Variants in RORA observed in about 807,000 individuals in gnomAD.
RORA encodes nuclear receptor ROR-alpha.
A neutral mutation model predicts 69.5 loss-of-function variants in RORA; 7 were observed. The observed-to-expected ratio is 0.10, with a 90% CI of 0.06 to 0.19. RORA has a LOEUF of 0.19. RORA is among the 10% of genes least tolerant of loss of function. The pLI is 1.00. For missense variants in RORA, 457 were observed against 663.0 expected (o/e 0.69, Z 3.41); for synonymous variants, 261 against 240.8 (o/e 1.08, Z -0.78).
At chr15:60,671,615 CT>C (rs550729879) in intron 2 of RORA, among the ~76,000 whole-genome samples, 4 of 151,362 alleles carry the variant, frequency 2.6e-5, no homozygotes, top group Non-Finnish European at 5.9e-5. Context: ...CTGTCTCTCT[CT>C]TTTTTTTCTT....
intron 2 of RORA, among the ~76,000 whole-genome samples, chr15:60,569,631 A>G (rs2067820936): frequency 6.6e-6 from 1 of 152,222 alleles, no homozygotes; most frequent in Non-Finnish European, 1.5e-5. Flanking sequence ...TAGTCTCCTC[A>G]TTCAGTAAAT....
At chr15:60,958,982 A>T (rs1893344647) in intron 1 of RORA, among the ~76,000 whole-genome samples, 1 of 152,186 alleles carries the variant, frequency 6.6e-6, no homozygotes, top group Non-Finnish European at 1.5e-5. Context: ...CTCTGCCAAC[A>T]AGCCAGACAT....
At chr15:61,033,684 T>C (rs1466363257) in intron 1 of RORA, among the ~76,000 whole-genome samples, 3 of 146,794 alleles carry the variant, frequency 2.0e-5, no homozygotes, top group Non-Finnish European at 4.5e-5. Context: ...TTTGCACATA[T>C]GAAATGTGGC....
At chr15:60,911,490 C>T (rs1891715738) in intron 1 of RORA, among the ~76,000 whole-genome samples, 2 of 152,064 alleles carry the variant, frequency 1.3e-5, no homozygotes, top group Admixed American at 1.3e-4. Context: ...AGGGGAAAGC[C>T]CTTCTTCTTC....
chr15:60,969,349 T>C (rs1893643781), intron 1 of RORA, among the ~76,000 whole-genome samples: 1 of 152,246 alleles, frequency 6.6e-6, no homozygotes, highest in Non-Finnish European at 1.5e-5. Context: ...TAGGTTATAA[T>C]CTGTTACTAT....
At chr15:60,712,960 A>G (rs1190668164) in intron 1 of RORA, among the ~76,000 whole-genome samples, 1 of 152,110 alleles carries the variant, frequency 6.6e-6, no homozygotes, top group Admixed American at 6.6e-5. Context: ...TATTCAACAG[A>G]GCGAATACTT....
At chr15:60,861,423 C>T (rs1385227393) in intron 1 of RORA, among the ~76,000 whole-genome samples, 1 of 152,174 alleles carries the variant, frequency 6.6e-6, no homozygotes, top group African/African-American at 2.4e-5. Flanking sequence ...CTGGAGGTAG[C>T]TGGTGGCTCA....
intron 1 of RORA, among the ~76,000 whole-genome samples, chr15:60,958,561 AT>A (rs968581088): frequency 1.3e-5 from 2 of 152,170 alleles, no homozygotes; most frequent in African/African-American, 4.8e-5. Context: ...GGAGGCTGGA[AT>A]TTTATCCCTG....
chr15:60,984,368 G>T (rs1191192473), intron 1 of RORA, among the ~76,000 whole-genome samples: 2 of 151,640 alleles, frequency 1.3e-5, no homozygotes, highest in African/African-American at 4.8e-5. Flanking sequence ...CGTGACAATA[G>T]TAATAGCAAT....
At chr15:60,940,508 C>T (rs535138576) in intron 1 of RORA, among the ~76,000 whole-genome samples, 30 of 152,132 alleles carry the variant, frequency 2.0e-4, no homozygotes, top group Admixed American at 1.4e-3. Context: ...TGCAGGGGGA[C>T]GGGATTGAGA....
At chr15:60,770,754 C>T (rs533965691) in intron 1 of RORA, among the ~76,000 whole-genome samples, 75 of 152,286 alleles carry the variant, frequency 4.9e-4, no homozygotes, top group African/African-American at 1.7e-3. Context: ...TCCTGAGTAG[C>T]TGAGACTACG....
At position 60,624,471 on chromosome 15, in the gene RORA, CATATATATATAT is replaced by C. The variant is rs3053858; in HGVS notation, c.196+54174_196+54185del. Among the ~76,000 whole-genome samples, 10 of 73,580 alleles carry C rather than the reference CATATATATATAT, an allele frequency of 1.4e-4. 1 individual carries two copies. The highest frequency in any genetic ancestry group is 5.3e-4 in the African/African-American group (8 of 15,204). The allele number at this position is 73,580 out of a possible 152,430, so 48.3% of individuals were successfully genotyped here. A position where few individuals can be genotyped will look rare whatever the true frequency, so the allele number is the denominator to read the frequency against. ...GGAAGAGGTCCTCTTCCATTTGCTGCATATATATATATATATATATATATATTTGCTGTATGT... is the reference window on the plus strand; with the variant it reads ...GGAAGAGGTCCTCTTCCATTTGCTGCATATATATATATATTTGCTGTATGT... On this transcript the variant is annotated intron_variant, in intron 2 of 10. Coordinates refer to ENST00000335670, the MANE Select transcript of RORA (RefSeq NM_134261.3).
intron 1 of RORA, among the ~76,000 whole-genome samples, chr15:61,002,918 T>C (rs1595871633): frequency 6.8e-6 from 1 of 147,640 alleles, no homozygotes; most frequent in African/African-American, 2.5e-5. Context: ...GATTACGAGG[T>C]CAGGAGTTCG....
chr15:61,066,418 CTTTTT>C (rs1168663714), intron 1 of RORA, among the ~76,000 whole-genome samples: 4 of 80,916 alleles, frequency 4.9e-5, no homozygotes, highest in Non-Finnish European at 6.9e-5. Flanking sequence ...GGGCATATTC[CTTTTT>C]TTTTTTTTTT....
chr15:61,221,057 T>C (rs2080091002), intron 1 of RORA, among the ~76,000 whole-genome samples: 1 of 152,174 alleles, frequency 6.6e-6, no homozygotes, highest in African/African-American at 2.4e-5. Context: ...CTGGTTCTCC[T>C]TCCTTCACTC....
intron 3 of RORA, among the ~76,000 whole-genome samples, chr15:60,523,852 T>G (rs187696188): frequency 6.6e-6 from 1 of 152,316 alleles, no homozygotes; most frequent in East Asian, 1.9e-4. Flanking sequence ...TTAAATTTTT[T>G]GTAGAGGAGA....
At chr15:60,947,942 G>C (rs1444231647) in intron 1 of RORA, among the ~76,000 whole-genome samples, 1 of 152,172 alleles carries the variant, frequency 6.6e-6, no homozygotes. Context: ...GCTATCCACA[G>C]ACAACAACAC....
At chr15:61,179,387 C>T (rs985367091) in intron 1 of RORA, among the ~76,000 whole-genome samples, 6 of 152,078 alleles carry the variant, frequency 3.9e-5, no homozygotes, top group Non-Finnish European at 7.4e-5. Context: ...AAAAGAGATA[C>T]GCAAAAATAA....
rs201205626 is a variant in RORA at position 60,696,017 on chromosome 15, G to A, written c.167-17331C>T. 1.4e-4 allele frequency among the ~76,000 whole-genome samples: 21 copies of A among 152,156 alleles called. No homozygotes were observed. In the East Asian group the frequency reaches 3.9e-3, roughly 28 times the overall value. Reference sequence around the variant, plus strand: ...CTCCTACATCACTTATAAGCTGACAGAAGTCTTATTATTATTATATATTAT... The same window carrying A: ...CTCCTACATCACTTATAAGCTGACAAAAGTCTTATTATTATTATATATTAT... On this transcript the variant is annotated intron_variant, in intron 1 of 10. Transcript: ENST00000335670.
Sources: allele counts gnomAD v4.1 joint callset (sites outside exome capture counted in the v4.1 genomes callset), GRCh38; gene constraint gnomAD v4.1.1; transcripts MANE v1.5; gene names NCBI Gene and HGNC (gene_info 2026-07-23, HGNC 2026-07-21).